Variants in TMEM132D observed in about 807,000 individuals in gnomAD.
TMEM132D encodes the protein mature OL transmembrane protein.
Under a neutral mutation model 62.3 loss-of-function variants are expected in TMEM132D, and 21 were observed. The observed-to-expected ratio is 0.34, with a 90% CI of 0.24 to 0.49. The LOEUF (loss-of-function observed/expected upper bound fraction) is 0.49. Among genes scored for constraint, TMEM132D ranks in the 20% least tolerant of loss-of-function variants. The pLI is 0.99. For synonymous variants in TMEM132D, 621 were observed against 575.6 expected, an observed-to-expected ratio of 1.08 and a Z score of -1.13; for missense variants, 1,346 against 1,402.8, an observed-to-expected ratio of 0.96 and a Z score of 0.65.
intron 2 of TMEM132D, among the ~76,000 whole-genome samples, chr12:129,572,153 C>A (rs987173206): frequency 1.6e-4 from 25 of 152,238 alleles, no homozygotes; most frequent in African/African-American, 6.0e-4. Flanking sequence ...GTGGAATCCA[C>A]GCTGACTCAG....
chr12:129,704,556 A>G (rs946356321), intron 1 of TMEM132D, among the ~76,000 whole-genome samples: 13 of 152,132 alleles, frequency 8.5e-5, no homozygotes, highest in Admixed American at 7.2e-4. Flanking sequence ...ACCTAAAATC[A>G]CTTACAGGAA....
chr12:129,464,567 A>G (rs1336416582), intron 3 of TMEM132D, among the ~76,000 whole-genome samples: 1 of 152,190 alleles, frequency 6.6e-6, no homozygotes, highest in Non-Finnish European at 1.5e-5. Context: ...CCTGAATAGT[A>G]ATGCCTAGGT....
At chr12:129,236,470 G>A (rs115797588) in intron 4 of TMEM132D, among the ~76,000 whole-genome samples, 2,096 of 132,066 alleles carry the variant, frequency 0.016, 60 homozygotes, top group African/African-American at 0.06. Flanking sequence ...AGCCGAGATC[G>A]CACCATTGAA....
Position 129,577,130 on chromosome 12 carries a change from C to T in TMEM132D, c.969-45925G>A, listed in dbSNP as rs114596308. On this transcript the variant is annotated intron_variant, in intron 2 of 8. Coordinates refer to ENST00000422113, the MANE Select transcript of TMEM132D (RefSeq NM_133448.3). ...GTTTACAGTATTGCACTAAACACAA[C>T]GAAAAATACTTGAGAACCACTAGAG... Among the ~76,000 whole-genome samples the T allele has an allele frequency of 2.8e-4, 42 of 151,816 alleles. 1 individual carries two copies. Among genetic ancestry groups the T allele is most frequent in the African/African-American group, 1.0e-3 (42 of 41,178 alleles).
At chr12:129,311,835 C>A (rs1189359092) in intron 4 of TMEM132D, among the ~76,000 whole-genome samples, 1 of 152,012 alleles carries the variant, frequency 6.6e-6, no homozygotes, top group African/African-American at 2.4e-5. Flanking sequence ...TCCAGGAATA[C>A]CGAAGGAGAG....
chr12:129,354,614 G>A (rs1004434495), intron 3 of TMEM132D, among the ~76,000 whole-genome samples: 8 of 152,114 alleles, frequency 5.3e-5, no homozygotes, highest in Non-Finnish European at 1.0e-4. Context: ...GAGCCACTGC[G>A]CCCAGTCTTT....
chr12:129,212,066 G>A lies in TMEM132D; in HGVS notation c.1300-2403C>T, dbSNP rs919672361. On this transcript the variant is annotated intron_variant, in intron 4 of 8. Coordinates refer to ENST00000422113, the MANE Select transcript of TMEM132D (RefSeq NM_133448.3). ...CATCACAAAGGAGAGAGACAGACGA[G>A]GGAGCAGTGTGGCCACTTCTGACAT... The A allele has an allele frequency of 5.9e-5, 9 of 152,212 alleles. No individual in the cohort carries two copies. The South Asian group carries it at 6.2e-4, about 11-fold the overall frequency. 9.4% of individuals were successfully genotyped at this position (152,212 alleles called of 1,614,324 possible).
At chr12:129,465,688 CTTATT>C (rs746176458) in intron 3 of TMEM132D, among the ~76,000 whole-genome samples, 85 of 152,082 alleles carry the variant, frequency 5.6e-4, no homozygotes, top group Non-Finnish European at 9.0e-4. Context: ...GAGTGAACTC[CTTATT>C]TTATTTTATG....
intron 5 of TMEM132D, among the ~76,000 whole-genome samples, chr12:129,177,418 G>T (rs1248929273): frequency 6.6e-6 from 1 of 152,176 alleles, no homozygotes; most frequent in Non-Finnish European, 1.5e-5. Flanking sequence ...GATAATGATA[G>T]GGAAAAGTAG....
chr12:129,874,739 T>C (rs1309050470), intron 1 of TMEM132D, among the ~76,000 whole-genome samples: 3 of 148,888 alleles, frequency 2.0e-5, no homozygotes, highest in South Asian at 4.3e-4. Flanking sequence ...TTCACTCTTG[T>C]CACCCAGGCT....
intron 2 of TMEM132D, among the ~76,000 whole-genome samples, chr12:129,565,821 TAAG>T (rs763527370): frequency 3.9e-5 from 6 of 152,222 alleles, no homozygotes; most frequent in Non-Finnish European, 7.3e-5. Context: ...TTCTTTCTCC[TAAG>T]AAGACTGAGA....
intron 2 of TMEM132D, among the ~76,000 whole-genome samples, chr12:129,533,328 G>A (rs1440431542): frequency 6.6e-6 from 1 of 152,194 alleles, no homozygotes; most frequent in Admixed American, 6.5e-5. Context: ...TAGGATTCCT[G>A]CCTTGCAGAA....
intron 2 of TMEM132D, among the ~76,000 whole-genome samples, chr12:129,594,798 G>A (rs1434671034): frequency 6.6e-6 from 1 of 152,130 alleles, no homozygotes; most frequent in Non-Finnish European, 1.5e-5. Context: ...CCTCTCTAAT[G>A]TGGCCTCTGT....
At chr12:129,875,872 CACA>C (rs1375601857) in intron 1 of TMEM132D, among the ~76,000 whole-genome samples, 1 of 152,172 alleles carries the variant, frequency 6.6e-6, no homozygotes, top group Admixed American at 6.5e-5. Context: ...GTTGATCAAA[CACA>C]ACATGTCCAT....
At chr12:129,680,399 G>GA (rs148779371) in intron 2 of TMEM132D, among the ~76,000 whole-genome samples, 2 of 152,166 alleles carry the variant, frequency 1.3e-5, no homozygotes, top group African/African-American at 4.8e-5. Flanking sequence ...AGAGTAGAAA[G>GA]AAAAATATTA....
chr12:129,289,972 C>T (rs1346820209), intron 4 of TMEM132D, among the ~76,000 whole-genome samples: 1 of 152,180 alleles, frequency 6.6e-6, no homozygotes, highest in Admixed American at 6.5e-5. Context: ...TTGGATCACG[C>T]ATGCCAGAAA....
chr12:129,563,467 G>A (rs1227880654), intron 2 of TMEM132D, among the ~76,000 whole-genome samples: 1 of 152,114 alleles, frequency 6.6e-6, no homozygotes, highest in Non-Finnish European at 1.5e-5. Context: ...TTTCTAAGAG[G>A]GGAGAGTGGG....
At chr12:129,482,342 A>G (rs1393757321) in intron 3 of TMEM132D, among the ~76,000 whole-genome samples, 1 of 152,272 alleles carries the variant, frequency 6.6e-6, no homozygotes, top group Non-Finnish European at 1.5e-5. Context: ...ACAGTGATAG[A>G]AATCTTTTGT....
rs1874106000 is a variant in TMEM132D at position 129,867,907 on chromosome 12, G to A, written c.79+35354C>T. Among the ~76,000 whole-genome samples the A allele has an allele frequency of 6.6e-6, 1 of 152,238 alleles. No homozygotes were observed. Among genetic ancestry groups the A allele is most frequent in the South Asian group, 2.1e-4 (1 of 4,838 alleles). ...AACTTCTAGGGCAATGGAAATGTCT[G>A]TGTCTCTACTAAGACAGCGTTTCTA... On this transcript the variant is annotated intron_variant, in intron 1 of 8. Transcript: ENST00000422113. This position sits in a 1 kb window ranked among gnomAD's most constrained non-coding sequence, Gnocchi z 4.5.
Sources: allele counts gnomAD v4.1 joint callset (sites outside exome capture counted in the v4.1 genomes callset), GRCh38; gene constraint gnomAD v4.1.1; non-coding constraint Gnocchi (gnomAD v3.1); transcripts MANE v1.5; gene names NCBI Gene and HGNC (gene_info 2026-07-23, HGNC 2026-07-21).